TRAPPC9: variants seen among roughly 807,000 people sequenced by gnomAD.
The protein encoded by TRAPPC9 is IKK2 binding protein.
TRAPPC9 carries 83 observed loss-of-function variants against 124.0 expected under a neutral mutation model. The ratio of observed to expected loss-of-function variants is 0.67; its 90% CI spans 0.56 to 0.80. TRAPPC9 has a LOEUF of 0.80. Ranked by LOEUF, TRAPPC9 falls within the 30% of genes least tolerant of loss-of-function variation. The pLI is 0.00. For synonymous variants in TRAPPC9, 638 were observed against 617.5 expected, an observed-to-expected ratio of 1.03 and a Z score of -0.49; for missense variants, 1,302 against 1,508.3, an observed-to-expected ratio of 0.86 and a Z score of 2.27.
chr8:139,945,647 G>A (rs1834168722), intron 19 of TRAPPC9, among the ~76,000 whole-genome samples: 2 of 149,854 alleles, frequency 1.3e-5, no homozygotes, highest in African/African-American at 4.9e-5. Flanking sequence ...TGTGCAGACA[G>A]CACTACAGCA....
intron 19 of TRAPPC9, among the ~76,000 whole-genome samples, chr8:139,956,184 T>C (rs1343139220): frequency 2.6e-5 from 4 of 151,778 alleles, no homozygotes; most frequent in Non-Finnish European, 5.9e-5. Flanking sequence ...TATTTTGAGA[T>C]GGAGTCTCAC....
chr8:140,127,823 T>A (rs1210942112), intron 17 of TRAPPC9, among the ~76,000 whole-genome samples: 1 of 152,220 alleles, frequency 6.6e-6, no homozygotes, highest in East Asian at 1.9e-4. Context: ...AGTTTACAAA[T>A]TTGTGTTGCT....
intron 17 of TRAPPC9, among the ~76,000 whole-genome samples, chr8:140,067,200 A>G (rs1356602032): frequency 1.3e-5 from 2 of 152,066 alleles, no homozygotes; most frequent in Non-Finnish European, 2.9e-5. Flanking sequence ...CTGGAGTGCA[A>G]TGGCGCAGTC....
chr8:140,172,209 G>A (rs965388901), intron 17 of TRAPPC9, among the ~76,000 whole-genome samples: 11 of 152,298 alleles, frequency 7.2e-5, no homozygotes, highest in South Asian at 2.1e-4. Context: ...GCACAGCAAC[G>A]TGAAACAGAG....
chr8:139,789,311 A>G (rs911217575), intron 21 of TRAPPC9, among the ~76,000 whole-genome samples: 1 of 152,122 alleles, frequency 6.6e-6, no homozygotes, highest in Admixed American at 6.5e-5. Context: ...ATGGAAACTG[A>G]GGATTCCATG....
chr8:139,923,418 G>A (rs531923369), intron 19 of TRAPPC9, among the ~76,000 whole-genome samples: 8 of 152,308 alleles, frequency 5.3e-5, no homozygotes, highest in African/African-American at 1.7e-4. Flanking sequence ...GGAGCTGCAC[G>A]GGCCTCTGCG....
rs1182823474 is a variant in TRAPPC9, at chr8:140,212,526, A to G, written c.2556+8933T>C. On this transcript the variant is annotated intron_variant, in intron 17 of 22. Transcript: ENST00000438773. ...TTTTGCATCTGTGTTCAGGAGGGAT[A>G]TTGGTCTGTAGTGCTTTGGGTTGTA... 6.6e-5 allele frequency among the ~76,000 whole-genome samples: 10 copies of G among 152,076 alleles called. No homozygotes were observed. In the South Asian group the frequency reaches 1.7e-3, roughly 25 times the overall value.
intron 4 of TRAPPC9, among the ~76,000 whole-genome samples, chr8:140,427,774 C>G (rs1435128586): frequency 2.0e-5 from 3 of 152,158 alleles, no homozygotes; most frequent in Non-Finnish European, 2.9e-5. Context: ...GATTATGGTG[C>G]TATTTAAGAG....
chr8:139,761,280 G>C (rs1190400300), intron 21 of TRAPPC9, among the ~76,000 whole-genome samples: 2 of 152,114 alleles, frequency 1.3e-5, no homozygotes, highest in East Asian at 3.9e-4. Context: ...TAGGGTGCAG[G>C]GCAAGAGCAC....
At chr8:139,830,567 C>T (rs192791637) in intron 21 of TRAPPC9, among the ~76,000 whole-genome samples, 30 of 151,944 alleles carry the variant, frequency 2.0e-4, no homozygotes, top group Non-Finnish European at 3.7e-4. Flanking sequence ...CATGCAAATA[C>T]ACATGCACAC....
At chr8:140,304,876 C>T (rs2066081074) in intron 10 of TRAPPC9, among the ~76,000 whole-genome samples, 2 of 152,126 alleles carry the variant, frequency 1.3e-5, no homozygotes, top group Admixed American at 1.3e-4. Flanking sequence ...GCAGGCCACA[C>T]CGCCCTGTCC....
intron 17 of TRAPPC9, among the ~76,000 whole-genome samples, chr8:140,132,240 T>C (rs2061221110): frequency 6.6e-6 from 1 of 152,148 alleles, no homozygotes; most frequent in South Asian, 2.1e-4. Flanking sequence ...AGTTGGTGCC[T>C]CCAAAACAAC....
At chr8:139,957,462 ACCT>A (rs1253447464) in intron 19 of TRAPPC9, among the ~76,000 whole-genome samples, 2 of 152,148 alleles carry the variant, frequency 1.3e-5, no homozygotes, top group African/African-American at 4.8e-5. Flanking sequence ...ACAGCAGGAG[ACCT>A]GTCACAAGTT....
chr8:139,918,636 C>T (rs1022154692), intron 19 of TRAPPC9, among the ~76,000 whole-genome samples: 1 of 152,230 alleles, frequency 6.6e-6, no homozygotes, highest in Non-Finnish European at 1.5e-5. Context: ...TGGAAGTGCC[C>T]GACATCGGGA....
At chr8:140,177,101 T>G (rs960922760) in intron 17 of TRAPPC9, among the ~76,000 whole-genome samples, 1 of 152,218 alleles carries the variant, frequency 6.6e-6, no homozygotes, top group Non-Finnish European at 1.5e-5. Context: ...TGAGCTTGCT[T>G]TTTTATTGCT....
intron 9 of TRAPPC9, among the ~76,000 whole-genome samples, chr8:140,329,614 A>C (rs2066842544): frequency 6.6e-6 from 1 of 152,216 alleles, no homozygotes; most frequent in East Asian, 1.9e-4. Context: ...CAAAGGCCAC[A>C]CTGCTAGTAA....
At chr8:140,381,667 CAAAAA>C (rs56659960) in intron 7 of TRAPPC9, among the ~76,000 whole-genome samples, 1,473 of 48,348 alleles carry the variant, frequency 0.03, 10 homozygotes, top group Middle Eastern at 0.11. Flanking sequence ...GACTCTGTCT[CAAAAA>C]AAAAAAAAAA....
intron 21 of TRAPPC9, among the ~76,000 whole-genome samples, chr8:139,747,482 AGGTGGGAGGTGT>A (rs1818982706): frequency 7.4e-5 from 1 of 13,548 alleles, no homozygotes. Context: ...GGGTCAGAGC[AGGTGGGAGGTGT>A]GCAGGATCAG....
intron 16 of TRAPPC9, among the ~76,000 whole-genome samples, chr8:140,225,807 CT>C (rs1423842454): frequency 2.0e-5 from 3 of 152,176 alleles, no homozygotes; most frequent in Admixed American, 1.3e-4. Flanking sequence ...ATCTCCACCC[CT>C]CTCTCTGACA....
Sources: allele counts gnomAD v4.1 joint callset (sites outside exome capture counted in the v4.1 genomes callset), GRCh38; gene constraint gnomAD v4.1.1; transcripts MANE v1.5; gene names NCBI Gene and HGNC (gene_info 2026-07-23, HGNC 2026-07-21).